The following NKAIN4 variants were observed in gnomAD, a reference collection of about 807,000 sequenced individuals.
NKAIN4 encodes sodium/potassium transporting ATPase interacting 4.
Under a neutral mutation model 28.8 loss-of-function variants are expected in NKAIN4, and 28 were observed. That is an observed-to-expected ratio of 0.97 (90% CI 0.72 to 1.33). NKAIN4 has a LOEUF of 1.33. NKAIN4 is among the 40% of genes most tolerant of loss of function. The probability of loss-of-function intolerance (pLI) is 0.00; values close to 1 mark genes in which losing one functional copy is unlikely to be tolerated. For synonymous variants in NKAIN4, 122 were observed against 115.6 expected, an observed-to-expected ratio of 1.06 and a Z score of -0.36; for missense variants, 289 against 277.2, an observed-to-expected ratio of 1.04 and a Z score of -0.30.
intron 4 of NKAIN4, chr20:63,247,259 C>T (rs2066876030): frequency 9.4e-6 from 12 of 1,279,818 alleles, no homozygotes; most frequent in East Asian, 7.7e-5. Flanking sequence ...TCCTTGGGGC[C>T]GTCAAAGCCA....
chr20:63,248,679 G>A (rs1182202745), intron 3 of NKAIN4, 136 bp downstream of exon 3: 24 of 660,412 alleles, frequency 3.6e-5, no homozygotes, highest in Middle Eastern at 4.8e-4. Context: ...GCTGTTCTGG[G>A]TGCTGGGGAC....
intron 1 of NKAIN4, 137 bp downstream of exon 1, chr20:63,254,260 T>G: frequency 3.1e-6 from 2 of 646,086 alleles, no homozygotes; most frequent in African/African-American, 1.9e-5. Context: ...CAGCCCGGGG[T>G]CCGAGGCATC....
At chr20:63,242,174 A>G (rs1361804934) in intron 6 of NKAIN4, among the ~76,000 whole-genome samples, 1 of 152,084 alleles carries the variant, frequency 6.6e-6, no homozygotes, top group Non-Finnish European at 1.5e-5. Context: ...CCAGGGCCCC[A>G]GCTCCTGCCA....
At chr20:63,248,921 C>G (rs780327723) in intron 2 of NKAIN4, 26 bp from the exon 3 acceptor site, 5 of 1,492,276 alleles carry the variant, frequency 3.4e-6, no homozygotes, top group South Asian at 2.3e-5. Context: ...GATGGGGCGG[C>G]AGCTGAACAC....
chr20:63,247,422 T>G (rs1011123283), intron 4 of NKAIN4, 156 bp downstream of exon 4: 2 of 1,538,596 alleles, frequency 1.3e-6, no homozygotes, highest in South Asian at 1.2e-5. Context: ...CCACCCGTGA[T>G]ACCTTAACCT....
At position 63,245,092 on chromosome 20, in the gene NKAIN4, T is replaced by A. The variant is rs1199957137; in HGVS notation, c.472-1008A>T. On this transcript the variant is annotated intron_variant, in intron 4 of 6. Transcript: ENST00000370316. The surrounding 1 kb of genome is among the most constrained non-coding windows in gnomAD (Gnocchi z 4.7). The stretch of plus-strand genomic sequence containing the variant: ...CAGGGCTGGACATGCTTGGGCTCCG[T>A]CCCCCCGACCCCCGACCCCATCTGG... 6.6e-6 allele frequency among the ~76,000 whole-genome samples: 1 copy of A among 151,818 alleles called. No homozygotes were observed. The highest frequency in any genetic ancestry group is 1.5e-5 in the Non-Finnish European group (1 of 67,924).
intron 1 of NKAIN4, among the ~76,000 whole-genome samples, chr20:63,250,766 CA>C (rs754999668): frequency 6.6e-6 from 1 of 152,138 alleles, no homozygotes; most frequent in Admixed American, 6.5e-5. Flanking sequence ...AAAACCTGAG[CA>C]AAGCCATGAC....
In NKAIN4 at chr20:63,241,360, G is replaced by A. The variant is rs1442050356; in HGVS notation, c.*137C>T. On this transcript the variant is annotated 3_prime_UTR_variant, in exon 7 of 7. Transcript: ENST00000370316. ...CGCCCTGGCTGGTGTCCAGTACTTA[G>A]AACCCAGGGCAGGTGCTGCCGGCCG... 1.2e-6 allele frequency: 1 copy of A among 839,302 alleles called. No homozygotes were observed. Among genetic ancestry groups the A allele is most frequent in the Non-Finnish European group, 2.0e-6 (1 of 507,166 alleles). 52.0% of individuals were successfully genotyped at this position (839,302 alleles called of 1,614,324 possible).
chr20:63,243,617 C>T (rs2066801475), intron 5 of NKAIN4, among the ~76,000 whole-genome samples: 1 of 152,144 alleles, frequency 6.6e-6, no homozygotes, highest in African/African-American at 2.4e-5. Flanking sequence ...AAACCCTGCC[C>T]AGATGGGTCC....
intron 5 of NKAIN4, among the ~76,000 whole-genome samples, chr20:63,243,261 C>T (rs568599420): frequency 9.9e-5 from 15 of 152,210 alleles, no homozygotes; most frequent in African/African-American, 2.9e-4. Flanking sequence ...CGCTGGGGAC[C>T]GAGGCTCTGA....
chr20:63,248,966 G>A lies in NKAIN4; in HGVS notation c.193-71C>T, dbSNP rs933054199. ...GCACACCTGCTTGCATCCAGCCCCC[G>A]GGGGAAGGGGTCCCATGATCGCATA... On this transcript the variant is annotated intron_variant, in intron 2 of 6. Coordinates refer to ENST00000370316, the MANE Select transcript of NKAIN4 (RefSeq NM_152864.4). The A allele has an allele frequency of 3.6e-5, 37 of 1,026,736 alleles. 1 individual carries two copies. The highest frequency in any genetic ancestry group is 2.0e-4 in the East Asian group (8 of 40,476). The allele number at this position is 1,026,736 out of a possible 1,614,324, so 63.6% of individuals were successfully genotyped here. A position where few individuals can be genotyped will look rare whatever the true frequency, so the allele number is the denominator to read the frequency against.
intron 4 of NKAIN4, chr20:63,246,709 G>T (rs540445979): frequency 2.1e-6 from 2 of 969,494 alleles, no homozygotes; most frequent in Non-Finnish European, 2.4e-6. Flanking sequence ...CTCCAGCGAC[G>T]GCACCAGCCG....
At chr20:63,241,597 G>A (rs1004106729) in intron 6 of NKAIN4, 91 bp from the exon 7 acceptor site, 8 of 1,186,686 alleles carry the variant, frequency 6.7e-6, no homozygotes, top group Non-Finnish European at 8.6e-6. Flanking sequence ...AACCTGAAAT[G>A]GAACAAAGTC....
chr20:63,249,188 C>G (rs903236453), intron 2 of NKAIN4: 2 of 433,696 alleles, frequency 4.6e-6, no homozygotes, highest in East Asian at 4.8e-5. Flanking sequence ...GCTGAGCTGC[C>G]GTGACCTGTC....
intron 4 of NKAIN4, among the ~76,000 whole-genome samples, 195 bp from the exon 5 acceptor site, chr20:63,244,279 C>T (rs1194163043): frequency 1.3e-5 from 2 of 152,214 alleles, no homozygotes; most frequent in Non-Finnish European, 2.9e-5. Context: ...GCTCCGGACG[C>T]ACCCCTGCCT....
chr20:63,254,611 T>G (rs1185800085), upstream of NKAIN4: 22 of 473,006 alleles, frequency 4.7e-5, no homozygotes, highest in Middle Eastern at 1.2e-3. Flanking sequence ...GGGTAACAGC[T>G]GCGCTGCGTC....
rs1351453528 is a variant in NKAIN4 at position 63,241,760 on chromosome 20, T to A, written c.618-254A>T. 6.0e-6 allele frequency: 4 copies of A among 666,814 alleles called. No homozygotes were observed. The South Asian group carries it at 6.1e-5, about 10-fold the overall frequency. 41.3% of individuals were successfully genotyped at this position (666,814 alleles called of 1,614,324 possible). ...GGGGTCTGGCCTGTGGGGCTGGGAG[T>A]GGAGAGGGGGCTCACCCAGGGGTGT... On this transcript the variant is annotated intron_variant, in intron 6 of 6. Coordinates refer to ENST00000370316, the MANE Select transcript of NKAIN4 (RefSeq NM_152864.4).
At position 63,243,909 on chromosome 20, in the gene NKAIN4, G is replaced by A. The variant is rs943054700; in HGVS notation, c.532+115C>T. ...GGCCGTGAGCAAGGCCCTGCTGGGCGTGAGGTCCCTTCCAAGTGGGGAGGT... is the reference window on the plus strand; with the variant it reads ...GGCCGTGAGCAAGGCCCTGCTGGGCATGAGGTCCCTTCCAAGTGGGGAGGT... On this transcript the variant is annotated intron_variant, in intron 5 of 6. Transcript: ENST00000370316. 33 of 820,916 alleles carry A rather than the reference G, an allele frequency of 4.0e-5. 1 individual carries two copies. The highest frequency in any genetic ancestry group is 2.2e-4 in the African/African-American group (13 of 58,814). 50.9% of individuals were successfully genotyped at this position (820,916 alleles called of 1,614,324 possible).
intron 1 of NKAIN4, 84 bp downstream of exon 1, chr20:63,254,313 G>T: frequency 8.9e-7 from 1 of 1,129,152 alleles, no homozygotes. Context: ...GGGCCCCGGG[G>T]CGGAGGGACG....
Sources: allele counts gnomAD v4.1 joint callset (sites outside exome capture counted in the v4.1 genomes callset), GRCh38; gene constraint gnomAD v4.1.1; non-coding constraint Gnocchi (gnomAD v3.1); transcripts MANE v1.5; gene names NCBI Gene and HGNC (gene_info 2026-07-23, HGNC 2026-07-21).